Variants in CCNT2 observed in about 807,000 individuals in gnomAD.
CCNT2 encodes the protein cyclin-T2.
In CCNT2, 18 loss-of-function variants were observed where a neutral mutation model predicts 70.0. The observed-to-expected ratio is 0.26, with a 90% CI of 0.18 to 0.38. The LOEUF (loss-of-function observed/expected upper bound fraction) is 0.38. CCNT2 is among the 10% of genes least tolerant of loss of function. CCNT2 has a pLI of 1.00. For missense variants in CCNT2, 734 were observed against 890.2 expected, an observed-to-expected ratio of 0.82 and a Z score of 2.23; for synonymous variants, 334 against 313.3, an observed-to-expected ratio of 1.07 and a Z score of -0.70.
intron 5 of CCNT2, chr2:134,943,057 A>T (rs747006288): frequency 6.1e-4 from 605 of 985,374 alleles, no homozygotes; most frequent in Middle Eastern, 1.0e-3. Context: ...AAGTGATAAC[A>T]GTTGAAGAAT....
chr2:134,929,635 G>GAGAGAGAGA lies in CCNT2; in HGVS notation c.241-7205_241-7204insGAGAGAGAA, dbSNP rs1162062330. 5.4e-5 allele frequency among the ~76,000 whole-genome samples: 7 copies of GAGAGAGAGA among 129,986 alleles called. No individual in the cohort carries two copies. The East Asian group carries it at 1.3e-3, about 25-fold the overall frequency. The allele number at this position is 129,986 out of a possible 152,430, so 85.3% of individuals were successfully genotyped here. On this transcript the variant is annotated intron_variant, in intron 2 of 8. Coordinates refer to ENST00000264157, the MANE Select transcript of CCNT2 (RefSeq NM_058241.3). Reference sequence around the variant, plus strand: ...AAACAGAGAGAGAGAGAGAGAGAGAGAACTAATAAATAGATGCCTTTTTTT... The same window carrying GAGAGAGAGA: ...AAACAGAGAGAGAGAGAGAGAGAGAGAGAGAGAGAAACTAATAAATAGATGCCTTTTTTT...
intron 2 of CCNT2, among the ~76,000 whole-genome samples, chr2:134,932,125 C>T (rs1231266897): frequency 6.6e-6 from 1 of 152,040 alleles, no homozygotes; most frequent in Admixed American, 6.6e-5. Context: ...GTTAGGATTA[C>T]AGGTGTGTGC....
chr2:134,918,943 C>T lies in CCNT2; in HGVS notation c.89C>T (p.Ala30Val). Residue 30 changes from alanine to valine, a missense_variant, in exon 1 of 9, where the codon GCG (alanine) becomes GTG (valine). By Grantham distance (64) the Ala-to-Val change is moderately conservative. Around this residue, in one of 3 missense-constraint regions of CCNT2, gnomAD observed 161 missense variants for 303.8 expected, o/e 0.53. Coordinates refer to ENST00000264157, the MANE Select transcript of CCNT2 (RefSeq NM_058241.3). ...CCGAGCCGCCGCTGCGGAGTGGAGG[C>T]GGATAAAGAGCTCTCGTGCCGCCAG... ...NTPSRRCGVE[A>V]DKELSCRQQA... is the part of the protein sequence containing the mutation. 1 of 1,613,998 alleles carries T rather than the reference C, an allele frequency of 6.2e-7. No homozygotes were observed. Among genetic ancestry groups the T allele is most frequent in the Non-Finnish European group, 8.5e-7 (1 of 1,179,954 alleles).
In CCNT2 at chr2:134,939,654, C is replaced by T. The variant is rs1230129019; in HGVS notation, c.430+592C>T. Among the ~76,000 whole-genome samples the T allele has an allele frequency of 3.3e-5, 5 of 151,944 alleles. No homozygotes were observed. In the East Asian group the frequency reaches 7.7e-4, roughly 24 times the overall value. On this transcript the variant is annotated intron_variant, in intron 4 of 8. Transcript: ENST00000264157. The stretch of plus-strand genomic sequence containing the variant: ...TTATTTTTTTGTAATTTAGTAGAGA[C>T]GGGGTTTCACCGTGTTGCCCAGGCT...
In CCNT2 at chr2:134,936,954, G is replaced by A. The variant is rs773040156; in HGVS notation, c.354G>A (p.Leu118=). 4 of 1,607,502 alleles carry A rather than the reference G, an allele frequency of 2.5e-6. No individual in the cohort carries two copies. The highest frequency in any genetic ancestry group is 3.4e-6 in the Non-Finnish European group (4 of 1,175,568). ...HACLHPLEPL[L]DTKCDAYLQQ... is the part of the protein sequence containing the mutation. ...GTCTTCATCCTCTAGAGCCACTGCT[G>A]GATACTAAATGTGATGTATGTAAAT... The change falls in exon 3 of 9, where the codon CTG becomes CTA. Residue 118 remains leucine, a synonymous_variant. Coordinates refer to ENST00000264157, the MANE Select transcript of CCNT2 (RefSeq NM_058241.3).
At chr2:134,933,549 G>A (rs1680934345) in intron 2 of CCNT2, among the ~76,000 whole-genome samples, 2 of 151,956 alleles carry the variant, frequency 1.3e-5, no homozygotes, top group South Asian at 4.2e-4. Context: ...AAACAAAAAG[G>A]AATAAAAAAG....
chr2:134,929,996 G>A (rs1294631129), intron 2 of CCNT2, among the ~76,000 whole-genome samples: 1 of 151,934 alleles, frequency 6.6e-6, no homozygotes, highest in Non-Finnish European at 1.5e-5. Flanking sequence ...AAAAGAGAGA[G>A]AGAGAGATAC....
chr2:134,945,677 T>G lies in CCNT2; in HGVS notation c.494-424T>G. 7 of 1,243,540 alleles carry G rather than the reference T, an allele frequency of 5.6e-6. No individual in the cohort carries two copies. In the South Asian group the frequency reaches 9.8e-5, roughly 17 times the overall value. The allele number at this position is 1,243,540 out of a possible 1,614,324, so 77.0% of individuals were successfully genotyped here. A position where few individuals can be genotyped will look rare whatever the true frequency, so the allele number is the denominator to read the frequency against. ...TTTGTTTTGTTTTTGATGGAAGTAT[T>G]TAAGCCAACTTAAATATGACTGAGG... On this transcript the variant is annotated intron_variant, in intron 5 of 8. Transcript: ENST00000264157.
chr2:134,929,758 T>A (rs1202195175), intron 2 of CCNT2, among the ~76,000 whole-genome samples: 1 of 151,050 alleles, frequency 6.6e-6, no homozygotes, highest in Non-Finnish European at 1.5e-5. Context: ...CAAGTGATTC[T>A]CCTGCCTCAC....
rs551173090 is a variant in CCNT2 at position 134,928,274 on chromosome 2, C to CTTTTTTTTTTTT, written c.240+8391_240+8402dup. Reference sequence around the variant, plus strand: ...CCATGCCCGGCCTCACATTGTATTTCTTTTTTTTTTTTTTTTTTTCTGAGA... The same window carrying CTTTTTTTTTTTT: ...CCATGCCCGGCCTCACATTGTATTTCTTTTTTTTTTTTTTTTTTTTTTTTTTTTTTTCTGAGA... On this transcript the variant is annotated intron_variant, in intron 2 of 8. Transcript: ENST00000264157. Among the ~76,000 whole-genome samples the CTTTTTTTTTTTT allele has an allele frequency of 3.5e-4, 34 of 96,390 alleles. 1 individual carries two copies. In the South Asian group the frequency reaches 4.1e-3, roughly 11 times the overall value. 63.2% of individuals were successfully genotyped at this position (96,390 alleles called of 152,430 possible). A position where few individuals can be genotyped will look rare whatever the true frequency, so the allele number is the denominator to read the frequency against.
Position 134,920,949 on chromosome 2 carries a change from C to T in CCNT2, c.240+1058C>T, listed in dbSNP as rs113641961. ...GTTTGGCATACAGGTTTATCTTGGA[C>T]CACAAGTATTTTAATATACATTTTG... On this transcript the variant is annotated intron_variant, in intron 2 of 8. Transcript: ENST00000264157. 5.6e-3 allele frequency among the ~76,000 whole-genome samples: 847 copies of T among 152,284 alleles called. 5 individuals carry two copies. The highest frequency in any genetic ancestry group is 0.024 in the Middle Eastern group (7 of 294).
chr2:134,935,607 T>C (rs970021569), intron 2 of CCNT2, among the ~76,000 whole-genome samples: 1 of 152,210 alleles, frequency 6.6e-6, no homozygotes, highest in Admixed American at 6.5e-5. Flanking sequence ...CATTTAGAAA[T>C]TGTCTTCCCA....
At chr2:134,931,053 C>T (rs2105033155) in intron 2 of CCNT2, among the ~76,000 whole-genome samples, 1 of 151,750 alleles carries the variant, frequency 6.6e-6, no homozygotes, top group Non-Finnish European at 1.5e-5. Flanking sequence ...TGCTCCACCT[C>T]CCAAGTTCAC....
intron 5 of CCNT2, chr2:134,944,321 A>G (rs1162340982): frequency 1.0e-6 from 1 of 977,402 alleles, no homozygotes. Context: ...GCTTTAAATT[A>G]AGAGCCTATT....
intron 7 of CCNT2, among the ~76,000 whole-genome samples, chr2:134,952,316 C>A (rs991711522): frequency 1.3e-5 from 2 of 151,882 alleles, no homozygotes; most frequent in Admixed American, 1.3e-4. Context: ...TTTGATAGAT[C>A]TTGTCTGTGA....
intron 5 of CCNT2, chr2:134,945,044 C>T: frequency 2.0e-6 from 2 of 985,400 alleles, no homozygotes; most frequent in Non-Finnish European, 2.4e-6. Flanking sequence ...GGGACCTTCA[C>T]TTCTGTGATT....
intron 5 of CCNT2, chr2:134,944,909 G>T (rs180757865): frequency 4.1e-6 from 4 of 984,830 alleles, no homozygotes; most frequent in Admixed American, 6.2e-5. Context: ...CCTTCTCTAC[G>T]TATTTTTATT....
rs1682831711 is a variant in CCNT2, at chr2:134,954,819, T to C, written c.*171T>C. On this transcript the variant is annotated 3_prime_UTR_variant, in exon 9 of 9. Transcript: ENST00000264157. ...AAAAGAAGAGATTATAGTAAACAAGTCTTTATCTCCACATATGATAGTGTT... is the reference window on the plus strand; with the variant it reads ...AAAAGAAGAGATTATAGTAAACAAGCCTTTATCTCCACATATGATAGTGTT... 3.4e-6 allele frequency: 2 copies of C among 587,536 alleles called. No homozygotes were observed. Among genetic ancestry groups the C allele is most frequent in the Admixed American group, 3.0e-5 (1 of 33,520 alleles). The allele number at this position is 587,536 out of a possible 1,614,324, so 36.4% of individuals were successfully genotyped here.
intron 5 of CCNT2, chr2:134,945,647 T>A (rs991631826): frequency 2.9e-5 from 35 of 1,209,354 alleles, no homozygotes; most frequent in Non-Finnish European, 3.5e-5. Flanking sequence ...GGGGTGGGGG[T>A]TTGTTTTGTT....
Sources: allele counts gnomAD v4.1 joint callset (sites outside exome capture counted in the v4.1 genomes callset), GRCh38; gene constraint gnomAD v4.1.1; regional missense constraint gnomAD v4.1.1; transcripts MANE v1.5; gene names NCBI Gene and HGNC (gene_info 2026-07-23, HGNC 2026-07-21).